The following PTPRG variants were observed in gnomAD, a reference collection of about 807,000 sequenced individuals.
PTPRG encodes the protein protein tyrosine phosphatase receptor type G, also known as receptor-type tyrosine-protein phosphatase gamma.
Under a neutral mutation model 165.3 loss-of-function variants are expected in PTPRG, and 102 were observed. That is an observed-to-expected ratio of 0.62 (90% CI 0.53 to 0.73). The LOEUF is 0.73. Among genes scored for constraint, PTPRG ranks in the 30% least tolerant of loss-of-function variants. The pLI is 0.00. For synonymous variants in PTPRG, 675 were observed against 669.5 expected (o/e 1.01, Z -0.13); for missense variants, 1,866 against 1,861.4 (o/e 1.00, Z -0.05).
intron 2 of PTPRG, among the ~76,000 whole-genome samples, chr3:61,914,316 G>A (rs898646085): frequency 6.6e-6 from 1 of 152,146 alleles, no homozygotes; most frequent in African/African-American, 2.4e-5. Flanking sequence ...TTGGAGCTGG[G>A]TCTTCTACTT....
At chr3:61,674,231 G>A (rs1181775657) in intron 1 of PTPRG, among the ~76,000 whole-genome samples, 1 of 151,646 alleles carries the variant, frequency 6.6e-6, no homozygotes, top group African/African-American at 2.4e-5. Flanking sequence ...CCTATTGAAT[G>A]TCTCAGAGAT....
chr3:61,748,024 A>G (rs995783258), intron 1 of PTPRG, among the ~76,000 whole-genome samples: 2 of 152,248 alleles, frequency 1.3e-5, no homozygotes, highest in African/African-American at 4.8e-5. Context: ...TAGCAGGCAG[A>G]TGGAAGCTCT....
At chr3:62,107,248 C>CT (rs1446643992) in intron 5 of PTPRG, among the ~76,000 whole-genome samples, 1 of 152,196 alleles carries the variant, frequency 6.6e-6, no homozygotes, top group Non-Finnish European at 1.5e-5. Flanking sequence ...TTCCAGTGAT[C>CT]TATATGGCAA....
intron 6 of PTPRG, among the ~76,000 whole-genome samples, chr3:62,133,560 G>C (rs776246220): frequency 6.6e-6 from 1 of 152,168 alleles, no homozygotes; most frequent in Non-Finnish European, 1.5e-5. Flanking sequence ...GGGGTCAATT[G>C]GAGCAAGTAG....
intron 1 of PTPRG, among the ~76,000 whole-genome samples, chr3:61,656,203 G>C (rs1427151848): frequency 2.6e-5 from 4 of 152,064 alleles, no homozygotes; most frequent in Non-Finnish European, 5.9e-5. Context: ...CTGTATTCCA[G>C]ACTGGGCAAC....
chr3:61,850,382 C>G (rs929918240), intron 2 of PTPRG, among the ~76,000 whole-genome samples: 12 of 152,146 alleles, frequency 7.9e-5, no homozygotes, highest in Non-Finnish European at 1.6e-4. Context: ...CCAGGCTGGT[C>G]GTGAACTCCT....
chr3:62,190,941 GTAT>G lies in PTPRG; in HGVS notation c.1034-524_1034-522del, dbSNP rs755261273. Among the ~76,000 whole-genome samples the G allele has an allele frequency of 5.9e-5, 9 of 152,326 alleles. No individual in the cohort carries two copies. In the East Asian group the frequency reaches 1.2e-3, roughly 20 times the overall value. On this transcript the variant is annotated intron_variant, in intron 8 of 29. Coordinates refer to ENST00000474889, the MANE Select transcript of PTPRG (RefSeq NM_002841.4). The surrounding 1 kb of genome is among the most constrained non-coding windows in gnomAD (Gnocchi z 5.2). ...GTTTAGTTTCTTTCATGTGAAACTG[GTAT>G]TATGGTTACATAGGAGAGTGTCCTC...
chr3:61,567,952 T>G (rs1314698658), intron 1 of PTPRG, among the ~76,000 whole-genome samples: 1 of 119,444 alleles, frequency 8.4e-6, no homozygotes, highest in Admixed American at 1.1e-4. Flanking sequence ...GGCGACATAG[T>G]GAGACCCTGC....
chr3:61,888,327 T>TTTTTTTTTTTG (rs369117060), intron 2 of PTPRG, among the ~76,000 whole-genome samples: 3 of 110,654 alleles, frequency 2.7e-5, no homozygotes, highest in African/African-American at 2.2e-4. Context: ...GGGTTGTTTT[T>TTTTTTTTTTTG]TTTGTTTGTT....
intron 16 of PTPRG, 29 bp from the exon 17 acceptor site, chr3:62,262,769 G>T: frequency 6.5e-7 from 1 of 1,537,314 alleles, no homozygotes; most frequent in Non-Finnish European, 9.0e-7. Flanking sequence ...TCTAAACTGT[G>T]TCTATAATCT....
At chr3:62,162,102 T>C (rs993768054) in intron 7 of PTPRG, among the ~76,000 whole-genome samples, 3 of 151,302 alleles carry the variant, frequency 2.0e-5, no homozygotes, top group African/African-American at 7.2e-5. Flanking sequence ...TCCACAGTGG[T>C]GTCCTGCCCA....
chr3:61,884,667 A>C (rs2037979030), intron 2 of PTPRG, among the ~76,000 whole-genome samples: 1 of 152,346 alleles, frequency 6.6e-6, no homozygotes, highest in Admixed American at 6.5e-5. Context: ...AAGGTGAAGA[A>C]TGTCCACATA....
At chr3:61,649,820 T>C (rs1279301954) in intron 1 of PTPRG, among the ~76,000 whole-genome samples, 1 of 152,242 alleles carries the variant, frequency 6.6e-6, no homozygotes, top group Non-Finnish European at 1.5e-5. Context: ...CTCAAGATCA[T>C]GTGGCTGATG....
chr3:61,788,437 A>T (rs554733191), intron 2 of PTPRG, among the ~76,000 whole-genome samples: 1 of 152,360 alleles, frequency 6.6e-6, no homozygotes, highest in East Asian at 1.9e-4. Context: ...AGTTGTCATG[A>T]ATGCCTGTGA....
intron 5 of PTPRG, among the ~76,000 whole-genome samples, chr3:62,081,813 T>C (rs893866787): frequency 2.6e-5 from 4 of 152,240 alleles, no homozygotes. Context: ...TGATATTTCT[T>C]CCCAAAATAG....
intron 5 of PTPRG, among the ~76,000 whole-genome samples, chr3:62,127,513 G>A (rs1247958657): frequency 6.6e-6 from 1 of 152,298 alleles, no homozygotes; most frequent in East Asian, 1.9e-4. Flanking sequence ...CTCTGGTCCT[G>A]CCCTTTGTCA....
At chr3:61,679,700 G>C (rs1295020200) in intron 1 of PTPRG, among the ~76,000 whole-genome samples, 1 of 152,138 alleles carries the variant, frequency 6.6e-6, no homozygotes, top group Non-Finnish European at 1.5e-5. Flanking sequence ...AGAATTACTT[G>C]AACCCGGGAG....
At chr3:61,829,292 C>G (rs917349503) in intron 2 of PTPRG, among the ~76,000 whole-genome samples, 1 of 152,218 alleles carries the variant, frequency 6.6e-6, no homozygotes, top group Admixed American at 6.5e-5. Context: ...TGAGGAATTC[C>G]CAGACAGCGT....
At chr3:62,026,346 A>G (rs934583698) in intron 4 of PTPRG, among the ~76,000 whole-genome samples, 2 of 152,098 alleles carry the variant, frequency 1.3e-5, no homozygotes, top group Non-Finnish European at 2.9e-5. Context: ...CTTATTTTTT[A>G]CTTCCTAGAC....
Sources: allele counts gnomAD v4.1 joint callset (sites outside exome capture counted in the v4.1 genomes callset), GRCh38; gene constraint gnomAD v4.1.1; non-coding constraint Gnocchi (gnomAD v3.1); transcripts MANE v1.5; gene names NCBI Gene and HGNC (gene_info 2026-07-23, HGNC 2026-07-21).